Variants in HS6ST3 observed in about 807,000 individuals in gnomAD.
HS6ST3 encodes heparan-sulfate 6-O-sulfotransferase 3.
A neutral mutation model predicts 36.7 loss-of-function variants in HS6ST3; 12 were observed. The observed-to-expected ratio is 0.33, with a 90% confidence interval of 0.21 to 0.53. The LOEUF (loss-of-function observed/expected upper bound fraction) is 0.53. HS6ST3 is among the 20% of genes least tolerant of loss of function. HS6ST3 has a pLI of 0.95. For missense variants in HS6ST3, 584 were observed against 640.9 expected, an observed-to-expected ratio of 0.91 and a Z score of 0.96; for synonymous variants, 240 against 257.5, an observed-to-expected ratio of 0.93 and a Z score of 0.65.
chr13:96,721,407 A>G (rs1386300572), intron 1 of HS6ST3, among the ~76,000 whole-genome samples: 1 of 152,178 alleles, frequency 6.6e-6, no homozygotes, highest in African/African-American at 2.4e-5. Flanking sequence ...GAATGTTTGC[A>G]TAAATAATAA....
At chr13:96,631,321 A>C (rs1357724496) in intron 1 of HS6ST3, among the ~76,000 whole-genome samples, 1 of 152,186 alleles carries the variant, frequency 6.6e-6, no homozygotes, top group Non-Finnish European at 1.5e-5. Context: ...TTCTGTTTCT[A>C]AAAATAAATA....
At chr13:96,800,545 A>G (rs1878041338) in intron 1 of HS6ST3, among the ~76,000 whole-genome samples, 2 of 152,070 alleles carry the variant, frequency 1.3e-5, no homozygotes, top group Admixed American at 1.3e-4. Flanking sequence ...AATCTGGGGC[A>G]AGGTAAAAAA....
At chr13:96,421,618 C>CT (rs1331479275) in intron 1 of HS6ST3, among the ~76,000 whole-genome samples, 1 of 152,088 alleles carries the variant, frequency 6.6e-6, no homozygotes, top group Admixed American at 6.5e-5. Context: ...CCTAGAGGCC[C>CT]TGTGTGCTTG....
chr13:96,809,706 C>T (rs947349240), intron 1 of HS6ST3, among the ~76,000 whole-genome samples: 8 of 152,166 alleles, frequency 5.3e-5, no homozygotes, highest in Non-Finnish European at 7.3e-5. Flanking sequence ...GTACCCCAGG[C>T]GCTTAATTCC....
At chr13:96,604,356 T>C (rs755180816) in intron 1 of HS6ST3, among the ~76,000 whole-genome samples, 5 of 152,218 alleles carry the variant, frequency 3.3e-5, no homozygotes, top group Admixed American at 2.0e-4. Context: ...CAAATTTCCA[T>C]TAATTTCAAG....
chr13:96,119,551 A>G (rs1192592237), intron 1 of HS6ST3, among the ~76,000 whole-genome samples: 2 of 152,236 alleles, frequency 1.3e-5, no homozygotes, highest in Non-Finnish European at 2.9e-5. Context: ...GGTCTGAACT[A>G]CTTAAGGATT....
intron 1 of HS6ST3, among the ~76,000 whole-genome samples, chr13:96,695,609 TTTTTTC>T (rs1875105415): frequency 8.6e-6 from 1 of 116,712 alleles, no homozygotes; most frequent in Non-Finnish European, 1.8e-5. Flanking sequence ...TTTTTTTTTT[TTTTTTC>T]TTTTACAGAT....
At chr13:96,538,579 G>A (rs1323609144) in intron 1 of HS6ST3, among the ~76,000 whole-genome samples, 1 of 152,152 alleles carries the variant, frequency 6.6e-6, no homozygotes, top group Non-Finnish European at 1.5e-5. Context: ...GAGTAGCTGG[G>A]ACTGCAGGCA....
At chr13:96,462,262 G>T (rs938679845) in intron 1 of HS6ST3, among the ~76,000 whole-genome samples, 2 of 151,992 alleles carry the variant, frequency 1.3e-5, no homozygotes, top group Admixed American at 1.3e-4. Flanking sequence ...GTAGAGATGG[G>T]GTCTTGTTGT....
intron 1 of HS6ST3, among the ~76,000 whole-genome samples, chr13:96,451,362 G>A (rs1344162019): frequency 4.6e-5 from 7 of 151,836 alleles, no homozygotes; most frequent in Non-Finnish European, 1.0e-4. Context: ...TTTCAGTTTC[G>A]CTGTAGTCTA....
Position 96,833,241 on chromosome 13 carries a change from C to A in HS6ST3, c.*43C>A. Reference sequence around the variant, plus strand: ...TCTCAGGAGGGGGAGGGTGAGCAGGCACATTGACTTTCTGTTGAGGTACCT... The same window carrying A: ...TCTCAGGAGGGGGAGGGTGAGCAGGAACATTGACTTTCTGTTGAGGTACCT... On this transcript the variant is annotated 3_prime_UTR_variant, in exon 2 of 2. Transcript: ENST00000376705. 7.0e-7 allele frequency: 1 copy of A among 1,423,868 alleles called. No homozygotes were observed. The highest frequency in any genetic ancestry group is 9.3e-7 in the Non-Finnish European group (1 of 1,078,596). 88.2% of individuals were successfully genotyped at this position (1,423,868 alleles called of 1,614,324 possible).
At chr13:96,732,112 C>T (rs367620381) in intron 1 of HS6ST3, among the ~76,000 whole-genome samples, 2 of 152,160 alleles carry the variant, frequency 1.3e-5, no homozygotes, top group Non-Finnish European at 2.9e-5. Context: ...AACTGGAGTG[C>T]GATATCTCCT....
chr13:96,498,033 G>T (rs1056761675), intron 1 of HS6ST3, among the ~76,000 whole-genome samples: 23 of 152,214 alleles, frequency 1.5e-4, no homozygotes, highest in African/African-American at 4.6e-4. Flanking sequence ...GGGAAAGGAA[G>T]ATGAGGGAAG....
intron 1 of HS6ST3, among the ~76,000 whole-genome samples, chr13:96,502,923 G>A (rs1416471279): frequency 6.6e-6 from 1 of 152,132 alleles, no homozygotes; most frequent in African/African-American, 2.4e-5. Context: ...TTCTCTATAG[G>A]GTGGTCACAC....
chr13:96,243,863 A>G (rs1238548232), intron 1 of HS6ST3, among the ~76,000 whole-genome samples: 1 of 151,618 alleles, frequency 6.6e-6, no homozygotes, highest in African/African-American at 2.4e-5. Context: ...ACTTAGCTGT[A>G]CTAACTAGTC....
chr13:96,516,885 A>G lies in HS6ST3; in HGVS notation c.708-315605A>G, dbSNP rs535745604. Reference sequence around the variant, plus strand: ...TGTGAATCTCTGGGGTTTAGCTATCAGGTCCTGGTTCAGTTGGTTTTGGTT... The same window carrying G: ...TGTGAATCTCTGGGGTTTAGCTATCGGGTCCTGGTTCAGTTGGTTTTGGTT... On this transcript the variant is annotated intron_variant, in intron 1 of 1. Transcript: ENST00000376705. 2.6e-5 allele frequency among the ~76,000 whole-genome samples: 4 copies of G among 152,308 alleles called. No individual in the cohort carries two copies. In the East Asian group the frequency reaches 5.8e-4, roughly 22 times the overall value.
At chr13:96,606,594 A>AGAGGGAGGGAGGGAGG (rs757536053) in intron 1 of HS6ST3, among the ~76,000 whole-genome samples, 1 of 74,450 alleles carries the variant, frequency 1.3e-5, no homozygotes, top group African/African-American at 5.3e-5. Context: ...AGGGAGGGAC[A>AGAGGGAGGGAGGGAGG]GAGGGAGGGA....
intron 1 of HS6ST3, among the ~76,000 whole-genome samples, chr13:96,444,402 AT>A (rs1566362905): frequency 6.6e-6 from 1 of 152,200 alleles, no homozygotes; most frequent in Non-Finnish European, 1.5e-5. Flanking sequence ...CAAAAGGGAA[AT>A]TTCATTATGA....
intron 1 of HS6ST3, among the ~76,000 whole-genome samples, chr13:96,144,567 C>G (rs1446044129): frequency 1.3e-5 from 2 of 151,966 alleles, no homozygotes; most frequent in African/African-American, 4.8e-5. Flanking sequence ...AAAAATACCT[C>G]ATCTTATGCA....
Sources: gnomAD v4.1 joint callset for allele counts (sites outside exome capture counted in the v4.1 genomes callset) on GRCh38, gnomAD v4.1.1 for gene constraint, MANE v1.5 for transcripts, NCBI Gene and HGNC (gene_info 2026-07-23, HGNC 2026-07-21) for gene names.